Variants in TUT4 observed in about 807,000 individuals in gnomAD.
TUT4 encodes terminal uridylyltransferase 4.
In TUT4, 36 loss-of-function variants were observed where a neutral mutation model predicts 192.2. The ratio of observed to expected loss-of-function variants is 0.19; its 90% CI spans 0.14 to 0.25. The LOEUF is 0.25. Ranked by LOEUF, TUT4 falls within the 10% of genes least tolerant of loss-of-function variation. The probability of loss-of-function intolerance (pLI) is 1.00; values close to 1 mark genes in which losing one functional copy is unlikely to be tolerated. For synonymous variants in TUT4, 618 were observed against 666.0 expected (o/e 0.93, Z 1.11); for missense variants, 1,493 against 1,957.2 (o/e 0.76, Z 4.47).
intron 2 of TUT4, among the ~76,000 whole-genome samples, chr1:52,521,036 C>T (rs924796848): frequency 2.6e-5 from 4 of 152,002 alleles, no homozygotes; most frequent in African/African-American, 4.8e-5. Context: ...TCAGGTGATC[C>T]GCCTGCCTCG....
chr1:52,492,061 A>G (rs1671295452), intron 7 of TUT4, among the ~76,000 whole-genome samples: 1 of 152,176 alleles, frequency 6.6e-6, no homozygotes, highest in African/African-American at 2.4e-5. Context: ...CATATATTAA[A>G]TATTTGTGCT....
At chr1:52,435,587 C>A in intron 26 of TUT4, 122 bp from the exon 27 acceptor site, 1 of 736,200 alleles carries the variant, frequency 1.4e-6, no homozygotes, top group Non-Finnish European at 2.2e-6. Context: ...TAAACTTGGA[C>A]TTTTAAACCT....
At chr1:52,535,701 G>A (rs1684723384) in intron 1 of TUT4, among the ~76,000 whole-genome samples, 1 of 152,162 alleles carries the variant, frequency 6.6e-6, no homozygotes, top group Non-Finnish European at 1.5e-5. Flanking sequence ...TAAACTTTAA[G>A]CAGCGTAAAC....
intron 2 of TUT4, among the ~76,000 whole-genome samples, chr1:52,524,569 AG>A (rs561108844): frequency 1.2e-3 from 181 of 152,056 alleles, no homozygotes; most frequent in Non-Finnish European, 2.2e-3. Context: ...GCATTTTGGG[AG>A]GCCAAGGCAG....
chr1:52,463,723 C>T, intron 16 of TUT4: 1 of 1,304,242 alleles, frequency 7.7e-7, no homozygotes, highest in Non-Finnish European at 1.0e-6. Context: ...CTTCCCTGTC[C>T]AATCAGTCTT....
chr1:52,490,923 T>C (rs1670993570), intron 7 of TUT4, 122 bp from the exon 8 acceptor site: 2 of 817,730 alleles, frequency 2.4e-6, no homozygotes, highest in South Asian at 2.0e-5. Context: ...GATAATCCAC[T>C]CTTCTCATTA....
intron 25 of TUT4, chr1:52,437,823 T>G (rs1181277788): frequency 6.2e-6 from 1 of 160,010 alleles, no homozygotes; most frequent in African/African-American, 2.4e-5. Context: ...GGCATTGTGG[T>G]GTGCGCCTGT....
chr1:52,466,351 T>C (rs1266311908), intron 15 of TUT4, among the ~76,000 whole-genome samples: 1 of 151,746 alleles, frequency 6.6e-6, no homozygotes, highest in East Asian at 1.9e-4. Context: ...TTTTTTAAGA[T>C]AAAAAAGAAG....
intron 14 of TUT4, 68 bp from the exon 15 acceptor site, chr1:52,468,335 A>G (rs1664794906): frequency 1.6e-6 from 2 of 1,234,582 alleles, no homozygotes; most frequent in East Asian, 5.1e-5. Context: ...AAACATCTTC[A>G]AGTTTTTACC....
At chr1:52,436,640 G>A in intron 26 of TUT4, 115 bp downstream of exon 26, 1 of 1,481,342 alleles carries the variant, frequency 6.8e-7, no homozygotes, top group South Asian at 1.3e-5. Flanking sequence ...GAAATTGTAA[G>A]GTCCAAAATC....
chr1:52,446,450 T>TAAAAA lies in TUT4; in HGVS notation c.3514-13_3514-9dup. ...TGAAGGTAAACGCTTTTTCTACATATAAAAAAAAAAAGAAAAGAACAATGT... is the reference window on the plus strand; with the variant it reads ...TGAAGGTAAACGCTTTTTCTACATATAAAAAAAAAAAAAAAAGAAAAGAACAATGT... On this transcript the variant is annotated splice_polypyrimidine_tract_variant and intron_variant, in intron 21 of 29. Transcript: ENST00000257177. 2 of 1,363,408 alleles carry TAAAAA rather than the reference T, an allele frequency of 1.5e-6. No individual in the cohort carries two copies. 84.5% of individuals were successfully genotyped at this position (1,363,408 alleles called of 1,614,324 possible).
intron 13 of TUT4, among the ~76,000 whole-genome samples, chr1:52,473,597 T>TA (rs1336304867): frequency 6.6e-6 from 1 of 152,132 alleles, no homozygotes; most frequent in Non-Finnish European, 1.5e-5. Context: ...AGCAGATTTT[T>TA]AAAAAACAGG....
intron 20 of TUT4, among the ~76,000 whole-genome samples, chr1:52,453,061 GATT>G (rs1243960364): frequency 6.6e-6 from 1 of 152,178 alleles, no homozygotes; most frequent in African/African-American, 2.4e-5. Flanking sequence ...AGTCTTCTGT[GATT>G]ATTGTTGTTG....
chr1:52,538,200 C>A (rs1232948580), intron 1 of TUT4, among the ~76,000 whole-genome samples: 1 of 152,126 alleles, frequency 6.6e-6, no homozygotes, highest in African/African-American at 2.4e-5. Context: ...TGCATCGCTG[C>A]ACTCCAACCT....
At chr1:52,458,086 T>C (rs1661479410) in intron 20 of TUT4, among the ~76,000 whole-genome samples, 1 of 152,222 alleles carries the variant, frequency 6.6e-6, no homozygotes, top group African/African-American at 2.4e-5. Context: ...TCTAAGACTG[T>C]AAAATTTAAA....
intron 28 of TUT4, among the ~76,000 whole-genome samples, chr1:52,429,392 GGGCATA>G (rs1215830733): frequency 1.3e-5 from 2 of 151,432 alleles, no homozygotes; most frequent in Non-Finnish European, 2.9e-5. Context: ...CTAAAAAGTT[GGGCATA>G]AGTCAGGCAC....
chr1:52,456,815 C>T (rs1455010208), intron 20 of TUT4, among the ~76,000 whole-genome samples: 1 of 152,060 alleles, frequency 6.6e-6, no homozygotes, highest in Non-Finnish European at 1.5e-5. Context: ...ATTGTCCAAA[C>T]CCTTAGAATA....
chr1:52,425,403 A>C lies in TUT4; in HGVS notation c.4816T>G (p.Phe1606Val), dbSNP rs1211148591. The change falls in exon 29 of 30, where the codon TTC (phenylalanine) becomes GTC (valine). Residue 1606 changes from phenylalanine (F) to valine (V), a missense_variant. By Grantham distance (50) the Phe-to-Val change is conservative. Coordinates refer to ENST00000257177, the MANE Select transcript of TUT4 (RefSeq NM_001009881.3). ...ASWPYGLHQN[F>V]MHQGNARFQP... ...AATCGGGCATTTCCCTGATGCATGA[A>C]GTTTTGATGCAAACCATAAGGCCAC... 1.9e-6 allele frequency: 3 copies of C among 1,613,936 alleles called. No homozygotes were observed. The highest frequency in any genetic ancestry group is 2.7e-5 in the African/African-American group (2 of 74,930).
chr1:52,530,907 G>T (rs1183576399), intron 1 of TUT4, among the ~76,000 whole-genome samples: 7 of 152,126 alleles, frequency 4.6e-5, no homozygotes, highest in Non-Finnish European at 2.9e-5. Context: ...GGAGGCTGAG[G>T]TAGGAGGATG....
Sources: gnomAD v4.1 joint callset for allele counts (sites outside exome capture counted in the v4.1 genomes callset) on GRCh38, gnomAD v4.1.1 for gene constraint, MANE v1.5 for transcripts, NCBI Gene and HGNC (gene_info 2026-07-23, HGNC 2026-07-21) for gene names.